SPTLC3: variants seen among roughly 807,000 people sequenced by gnomAD.
SPTLC3 encodes the protein serine palmitoyltransferase long chain base subunit 3.
A neutral mutation model predicts 59.3 loss-of-function variants in SPTLC3; 36 were observed. The observed-to-expected ratio is 0.61, with a 90% CI of 0.47 to 0.80. The LOEUF is 0.80. Among genes scored for constraint, SPTLC3 ranks in the 30% least tolerant of loss-of-function variants. The probability of loss-of-function intolerance (pLI) is 0.00; values close to 1 mark genes in which losing one functional copy is unlikely to be tolerated. For missense variants in SPTLC3, 625 were observed against 685.1 expected (o/e 0.91, Z 0.98); for synonymous variants, 257 against 240.8 (o/e 1.07, Z -0.62).
intron 1 of SPTLC3, among the ~76,000 whole-genome samples, chr20:13,043,479 A>G (rs1042208219): frequency 1.3e-5 from 2 of 152,192 alleles, no homozygotes; most frequent in African/African-American, 4.8e-5. Context: ...AGTTGGTTTT[A>G]GATTTGCTCA....
chr20:13,119,019 A>G (rs183384904), intron 8 of SPTLC3, among the ~76,000 whole-genome samples: 4 of 152,302 alleles, frequency 2.6e-5, no homozygotes, highest in East Asian at 3.9e-4. Flanking sequence ...TGCTAAAACC[A>G]TTGGGAAAGC....
At chr20:13,117,473 TGTTA>T in intron 7 of SPTLC3, 29 bp from the exon 8 acceptor site, 2 of 1,533,896 alleles carry the variant, frequency 1.3e-6, no homozygotes, top group Non-Finnish European at 1.8e-6. Context: ...GGAGGGTATT[TGTTA>T]GTTATGAGCA....
At chr20:13,116,456 C>T (rs1990555838) in intron 7 of SPTLC3, among the ~76,000 whole-genome samples, 1 of 152,124 alleles carries the variant, frequency 6.6e-6, no homozygotes, top group Admixed American at 6.5e-5. Context: ...TGATTACTGT[C>T]AGATTTTTTT....
intron 1 of SPTLC3, among the ~76,000 whole-genome samples, chr20:13,024,683 T>TA (rs1202649531): frequency 1.3e-5 from 2 of 152,292 alleles, no homozygotes; most frequent in East Asian, 3.9e-4. Context: ...CACTTAAAAT[T>TA]AAAGAGTTTA....
chr20:13,105,435 G>A (rs1447168546), intron 6 of SPTLC3, among the ~76,000 whole-genome samples: 1 of 151,996 alleles, frequency 6.6e-6, no homozygotes, highest in African/African-American at 2.4e-5. Flanking sequence ...GCTTCCCTCC[G>A]CAAAATGTAT....
intron 9 of SPTLC3, among the ~76,000 whole-genome samples, chr20:13,127,208 T>C (rs911639894): frequency 4.6e-5 from 7 of 152,214 alleles, no homozygotes; most frequent in Admixed American, 4.6e-4. Flanking sequence ...TCTTTGTCAG[T>C]GGGACCAGAG....
At chr20:13,064,271 CT>C (rs33973192) in intron 2 of SPTLC3, among the ~76,000 whole-genome samples, 17,455 of 136,984 alleles carry the variant, frequency 0.13, 1,390 homozygotes, top group African/African-American at 0.21. Context: ...TTTTCCTTTT[CT>C]TTTTTTTTTT....
intron 6 of SPTLC3, among the ~76,000 whole-genome samples, chr20:13,108,309 T>C (rs907164671): frequency 6.6e-6 from 1 of 152,226 alleles, no homozygotes; most frequent in Admixed American, 6.5e-5. Context: ...AAGAACTATC[T>C]TGTGGCCTCA....
chr20:13,019,889 C>T (rs1025836277), intron 1 of SPTLC3, among the ~76,000 whole-genome samples: 2 of 152,168 alleles, frequency 1.3e-5, no homozygotes, highest in African/African-American at 4.8e-5. Context: ...GGTTGTGAGT[C>T]TTTTGGAGTT....
chr20:13,083,804 C>G (rs1362806900), intron 4 of SPTLC3, among the ~76,000 whole-genome samples: 1 of 152,156 alleles, frequency 6.6e-6, no homozygotes, highest in Non-Finnish European at 1.5e-5. Flanking sequence ...ATGCAGCTCC[C>G]AACATCAGGG....
chr20:13,117,764 C>A, intron 8 of SPTLC3, 39 bp downstream of exon 8: 1 of 1,552,540 alleles, frequency 6.4e-7, no homozygotes, highest in South Asian at 1.2e-5. Flanking sequence ...AAAACCTGAG[C>A]GCCCTGGGGA....
At chr20:13,065,683 T>C (rs1016894405) in intron 2 of SPTLC3, among the ~76,000 whole-genome samples, 2 of 135,588 alleles carry the variant, frequency 1.5e-5, no homozygotes, top group African/African-American at 5.3e-5. Context: ...CTTCTTTTAT[T>C]TTTATTTTTT....
chr20:13,103,628 C>A (rs1989707802), intron 6 of SPTLC3, among the ~76,000 whole-genome samples: 1 of 152,136 alleles, frequency 6.6e-6, no homozygotes, highest in Admixed American at 6.5e-5. Flanking sequence ...AAAGAATAAA[C>A]CACCAACCAC....
intron 1 of SPTLC3, among the ~76,000 whole-genome samples, chr20:13,027,254 T>G (rs1303573671): frequency 6.6e-6 from 1 of 152,220 alleles, no homozygotes; most frequent in Admixed American, 6.5e-5. Flanking sequence ...TTTTTACCCC[T>G]TTAACCTTCA....
chr20:13,136,624 A>G (rs1448441794), intron 9 of SPTLC3, among the ~76,000 whole-genome samples: 1 of 145,966 alleles, frequency 6.9e-6, no homozygotes, highest in African/African-American at 2.6e-5. Flanking sequence ...TATATAATAT[A>G]CATATAAAAA....
At chr20:13,052,125 A>C (rs1987518947) in intron 2 of SPTLC3, among the ~76,000 whole-genome samples, 1 of 152,170 alleles carries the variant, frequency 6.6e-6, no homozygotes, top group Non-Finnish European at 1.5e-5. Context: ...GCTCCCAGCA[A>C]GATCAATGTA....
Position 13,126,610 on chromosome 20 carries a change from G to A in SPTLC3, c.1172G>A (p.Arg391Gln), listed in dbSNP as rs764838359. 1.5e-5 allele frequency: 25 copies of A among 1,613,468 alleles called. No homozygotes were observed. Among genetic ancestry groups the A allele is most frequent in the East Asian group, 2.2e-5 (1 of 44,866 alleles). ...AGRKDLVDYL[R>Q]VHSHSAVYAS... ...TTTAAGGACCTCGTGGATTATTTACGGGTTCACTCGCATAGTGCTGTTTAT... is the reference window on the plus strand; with the variant it reads ...TTTAAGGACCTCGTGGATTATTTACAGGTTCACTCGCATAGTGCTGTTTAT... Residue 391 changes from arginine (R) to glutamine (Q), a missense_variant, in exon 9 of 12, where the codon CGG becomes CAG. Transcript: ENST00000399002.
In SPTLC3 at chr20:13,167,843, C is replaced by G. The variant is rs572072204; in HGVS notation, c.*2976C>G. 6.6e-6 allele frequency: 1 copy of G among 152,238 alleles called. No homozygotes were observed. Among genetic ancestry groups the G allele is most frequent in the Admixed American group, 6.5e-5 (1 of 15,282 alleles). 9.4% of individuals were successfully genotyped at this position (152,238 alleles called of 1,614,324 possible). On this transcript the variant is annotated 3_prime_UTR_variant, in exon 12 of 12. Coordinates refer to ENST00000399002, the MANE Select transcript of SPTLC3 (RefSeq NM_018327.4). ...TCTACATTTTTAACCAGCCTTCCTGCGTGATTCTAATCTATGCCAAAATTT... is the reference window on the plus strand; with the variant it reads ...TCTACATTTTTAACCAGCCTTCCTGGGTGATTCTAATCTATGCCAAAATTT...
In SPTLC3 at chr20:13,165,818, T is replaced by A. The variant is rs1410205103; in HGVS notation, c.*951T>A. 6.6e-6 allele frequency: 1 copy of A among 152,218 alleles called. No individual in the cohort carries two copies. Among genetic ancestry groups the A allele is most frequent in the Non-Finnish European group, 1.5e-5 (1 of 68,032 alleles). 9.4% of individuals were successfully genotyped at this position (152,218 alleles called of 1,614,324 possible). On this transcript the variant is annotated 3_prime_UTR_variant, in exon 12 of 12. Coordinates refer to ENST00000399002, the MANE Select transcript of SPTLC3 (RefSeq NM_018327.4). ...AGAATGCATTGATTCAAGAAGGACA[T>A]TTAAAAGCAAATTCTGACTTTTTCA...
Sources: gnomAD v4.1 joint callset for allele counts (sites outside exome capture counted in the v4.1 genomes callset) on GRCh38, gnomAD v4.1.1 for gene constraint, MANE v1.5 for transcripts, NCBI Gene and HGNC (gene_info 2026-07-23, HGNC 2026-07-21) for gene names.